ALG8: variants seen among roughly 807,000 people sequenced by gnomAD.
ALG8 encodes dolichyl pyrophosphate Glc1Man9GlcNAc2 alpha-1,3-glucosyltransferase.
Under a neutral mutation model 70.2 loss-of-function variants are expected in ALG8, and 48 were observed. The ratio of observed to expected loss-of-function variants is 0.68; its 90% CI spans 0.54 to 0.87. The LOEUF (loss-of-function observed/expected upper bound fraction) is 0.87, where lower values mean the gene tolerates loss of function less well. Ranked by LOEUF, ALG8 falls within the 40% of genes least tolerant of loss-of-function variation. The pLI, the probability that ALG8 is intolerant of heterozygous loss-of-function variation, is 0.00. For synonymous variants in ALG8, 234 were observed against 229.0 expected (o/e 1.02, Z -0.20); for missense variants, 572 against 608.7 (o/e 0.94, Z 0.64).
chr11:78,124,910 T>C (rs973606800), intron 2 of ALG8, among the ~76,000 whole-genome samples: 1 of 152,190 alleles, frequency 6.6e-6, no homozygotes, highest in Non-Finnish European at 1.5e-5. Flanking sequence ...CCTGACATAT[T>C]GCTTGGGATA....
chr11:78,107,214 T>C (rs1007366303), intron 9 of ALG8, among the ~76,000 whole-genome samples: 1 of 147,586 alleles, frequency 6.8e-6, no homozygotes, highest in African/African-American at 2.5e-5. Context: ...TATATATATA[T>C]ATATATATAA....
intron 1 of ALG8, among the ~76,000 whole-genome samples, chr11:78,130,041 T>G (rs1021923163): frequency 6.6e-6 from 1 of 151,914 alleles, no homozygotes; most frequent in Non-Finnish European, 1.5e-5. Context: ...CAGGCAAAAT[T>G]TAACCTATGC....
chr11:78,114,605 A>ACT, intron 5 of ALG8: 1 of 608,824 alleles, frequency 1.6e-6, no homozygotes, highest in Non-Finnish European at 3.0e-6. Flanking sequence ...GATATATAGG[A>ACT]ACTCTCTGTA....
intron 12 of ALG8, 35 bp from the exon 13 acceptor site, chr11:78,101,230 A>G: frequency 6.4e-7 from 1 of 1,555,582 alleles, no homozygotes. Flanking sequence ...CTGATTTTAG[A>G]TGAGTCATCC....
intron 5 of ALG8, among the ~76,000 whole-genome samples, chr11:78,117,054 G>A (rs559718656): frequency 9.2e-5 from 14 of 152,164 alleles, no homozygotes; most frequent in Admixed American, 3.3e-4. Flanking sequence ...GCTTTTTATG[G>A]TTAAAAGAGA....
chr11:78,118,513 G>T (rs572028720), intron 5 of ALG8, among the ~76,000 whole-genome samples: 3 of 151,654 alleles, frequency 2.0e-5, no homozygotes, highest in African/African-American at 7.3e-5. Context: ...CTACTTGGGA[G>T]GCTGAGGCAC....
At chr11:78,128,061 T>C (rs1861152841) in intron 1 of ALG8, among the ~76,000 whole-genome samples, 2 of 152,222 alleles carry the variant, frequency 1.3e-5, no homozygotes, top group Admixed American at 6.5e-5. Context: ...GACTTCCTCT[T>C]GCTCACAAAC....
rs748962880 is a variant in ALG8, at chr11:78,124,183, G to A, written c.206C>T (p.Pro69Leu). The change falls in exon 3 of 13, where the codon CCT becomes CTT. Residue 69 changes from proline (P) to leucine (L), a missense_variant. By Grantham distance (98) the Pro-to-Leu change is moderately conservative. Coordinates refer to ENST00000299626, the MANE Select transcript of ALG8 (RefSeq NM_024079.5). ...GATATACTCAAACCATGCAAAGAAA[G>A]GGGGGTAATCCAACGTCCACTCTGA... Reference protein sequence around the residue: ...ATSEWTLDYPPFFAWFEYILS... With the variant: ...ATSEWTLDYPLFFAWFEYILS... 1 of 1,614,134 alleles carries A rather than the reference G, an allele frequency of 6.2e-7. No individual in the cohort carries two copies. Among genetic ancestry groups the A allele is most frequent in the Non-Finnish European group, 8.5e-7 (1 of 1,180,008 alleles).
chr11:78,104,712 C>T (rs1001017151), intron 10 of ALG8, among the ~76,000 whole-genome samples: 1 of 152,074 alleles, frequency 6.6e-6, no homozygotes, highest in Non-Finnish European at 1.5e-5. Flanking sequence ...GCCTTTAATC[C>T]CAGCACTTTG....
At chr11:78,131,723 TC>T (rs750110702) in intron 1 of ALG8, among the ~76,000 whole-genome samples, 3 of 151,732 alleles carry the variant, frequency 2.0e-5, no homozygotes, top group Non-Finnish European at 4.4e-5. Flanking sequence ...GCCTTGGCCT[TC>T]CAAAGTGCTG....
At chr11:78,109,731 A>G in intron 8 of ALG8, 150 bp from the exon 9 acceptor site, 1 of 799,692 alleles carries the variant, frequency 1.3e-6, no homozygotes, top group East Asian at 2.7e-5. Context: ...ATCCTATACT[A>G]TTCTACCCAA....
chr11:78,125,430 G>T (rs1006679116), intron 2 of ALG8, among the ~76,000 whole-genome samples: 3 of 151,254 alleles, frequency 2.0e-5, no homozygotes, highest in African/African-American at 7.3e-5. Context: ...ACTATATATG[G>T]TATCGAAACT....
intron 8 of ALG8, among the ~76,000 whole-genome samples, chr11:78,112,182 C>T (rs570456): frequency 0.21 from 32,669 of 152,002 alleles, 3,892 homozygotes; most frequent in East Asian, 0.31. Context: ...GAGGCTGAGA[C>T]AAGAGGACTG....
chr11:78,130,073 C>T (rs931849862), intron 1 of ALG8, among the ~76,000 whole-genome samples: 82 of 152,144 alleles, frequency 5.4e-4, no homozygotes, highest in African/African-American at 1.8e-3. Flanking sequence ...CATCAGAGGC[C>T]AGGCATGATG....
intron 1 of ALG8, among the ~76,000 whole-genome samples, chr11:78,136,040 T>C (rs934938436): frequency 6.6e-6 from 1 of 151,694 alleles, no homozygotes; most frequent in Non-Finnish European, 1.5e-5. Context: ...TGTAGTGGTG[T>C]GCACCTGTAG....
At chr11:78,111,169 T>A (rs1340181914) in intron 8 of ALG8, among the ~76,000 whole-genome samples, 1 of 152,150 alleles carries the variant, frequency 6.6e-6, no homozygotes, top group Non-Finnish European at 1.5e-5. Flanking sequence ...CCACCATGCA[T>A]GGAGCGTCTA....
intron 5 of ALG8, among the ~76,000 whole-genome samples, chr11:78,116,218 A>G (rs1590819497): frequency 6.6e-6 from 1 of 152,054 alleles, no homozygotes; most frequent in Non-Finnish European, 1.5e-5. Flanking sequence ...AAAATTAGCC[A>G]GGCATGGTGG....
chr11:78,114,150 G>T, intron 6 of ALG8, 116 bp downstream of exon 6: 1 of 1,465,316 alleles, frequency 6.8e-7, no homozygotes, highest in Non-Finnish European at 9.4e-7. Context: ...GGGCTTACAG[G>T]ATTAGCAGCT....
chr11:78,118,615 C>CA lies in ALG8; in HGVS notation c.546+566dup, dbSNP rs60253317. Among the ~76,000 whole-genome samples, 173 of 88,070 alleles carry CA rather than the reference C, an allele frequency of 2.0e-3. 1 individual carries two copies. Among genetic ancestry groups the CA allele is most frequent in the East Asian group, 5.5e-3 (17 of 3,074 alleles). 57.8% of individuals were successfully genotyped at this position (88,070 alleles called of 152,430 possible). ...TGGGCGATAGAGCGAGACTCATTCT[C>CA]AAAAAAAAAAAAAAAAAAAAAACAA... is the stretch of plus-strand genomic sequence containing the variant. On this transcript the variant is annotated intron_variant, in intron 5 of 12. Transcript: ENST00000299626.
Sources: gnomAD v4.1 joint callset for allele counts (sites outside exome capture counted in the v4.1 genomes callset) on GRCh38, gnomAD v4.1.1 for gene constraint, MANE v1.5 for transcripts, NCBI Gene and HGNC (gene_info 2026-07-23, HGNC 2026-07-21) for gene names.